QRICH2: variants seen among roughly 807,000 people sequenced by gnomAD.
QRICH2 encodes the protein glutamine rich 2.
Under a neutral mutation model 168.3 loss-of-function variants are expected in QRICH2, and 119 were observed. That is an observed-to-expected ratio of 0.71 (90% CI 0.61 to 0.82). QRICH2 has a LOEUF of 0.82. QRICH2 is among the 40% of genes least tolerant of loss of function. The pLI is 0.00. For synonymous variants in QRICH2, 894 were observed against 951.2 expected (o/e 0.94, Z 1.11); for missense variants, 2,241 against 2,491.6 (o/e 0.90, Z 2.14).
Position 76,277,253 on chromosome 17 carries a change from G to A in QRICH2, c.5175C>T (p.Ser1725=), listed in dbSNP as rs768345488. The change falls in exon 16 of 19, where the codon AGC becomes AGT. Residue 1725 remains serine, a synonymous_variant. Transcript: ENST00000680821. ...YSTVPRRCGG[S]HTLTYPYHRS... is the part of the protein sequence containing the mutation. ...GGTGGTAGGGGTAGGTGAGGGTGTG[G>A]CTGCCCCCGCAGCGCCGGGGCACAG... 2.5e-6 allele frequency: 4 copies of A among 1,602,052 alleles called. No individual in the cohort carries two copies. The South Asian group carries it at 4.5e-5, about 18-fold the overall frequency.
At chr17:76,294,998 G>A (rs190724689) in intron 3 of QRICH2, among the ~76,000 whole-genome samples, 43 of 150,878 alleles carry the variant, frequency 2.8e-4, no homozygotes, top group East Asian at 2.2e-3. Context: ...TTGGGAGGCC[G>A]AGGTGGGCAG....
At chr17:76,276,034 G>A (rs1156376592) in intron 17 of QRICH2, 87 bp from the exon 18 acceptor site, 1 of 1,517,812 alleles carries the variant, frequency 6.6e-7, no homozygotes, top group African/African-American at 1.4e-5. Context: ...AGGGCCGCAG[G>A]GCTGCTGGTC....
rs969617893 is a variant in QRICH2 at position 76,280,560 on chromosome 17, C to G, written c.4461+94G>C. ...CCAGGCAGGTTTCTGAGAGCCCACA[C>G]TCGTCTCGCCAGCTCCCCTCCACTC... On this transcript the variant is annotated intron_variant, in intron 10 of 18. Coordinates refer to ENST00000680821, the MANE Select transcript of QRICH2 (RefSeq NM_001388453.1). The surrounding 1 kb of genome is among the most constrained non-coding windows in gnomAD (Gnocchi z 7.4). 3.1e-6 allele frequency: 5 copies of G among 1,594,786 alleles called. No homozygotes were observed. Among genetic ancestry groups the G allele is most frequent in the African/African-American group, 1.3e-5 (1 of 74,506 alleles).
chr17:76,282,837 C>A (rs148411690), intron 7 of QRICH2, among the ~76,000 whole-genome samples: 1 of 152,332 alleles, frequency 6.6e-6, no homozygotes, highest in Non-Finnish European at 1.5e-5. Context: ...CCAACCTGGG[C>A]TCCTCTCTGG....
rs770123217 is a variant in QRICH2, at chr17:76,293,465, C to G, written c.1262G>C (p.Gly421Ala). ...GVVPLSMGQL[G>A]VPPPEMDDRE... ...ATCATCCATTTCAGGTGGTGGCACA[C>G]CAAGCTGACCCATGCTGAGGGGTAC... is the stretch of plus-strand genomic sequence containing the variant. The change falls in exon 4 of 19, where the codon GGT becomes GCT. Residue 421 changes from glycine to alanine, a missense_variant. By Grantham distance (60) the Gly-to-Ala change is moderately conservative (BLOSUM62 0). Around this residue, in one of 3 missense-constraint regions of QRICH2, gnomAD observed 2,047 missense variants for 2,303.8 expected, o/e 0.89. Transcript: ENST00000680821. The G allele has an allele frequency of 3.3e-5, 54 of 1,614,090 alleles. No homozygotes were observed. Among genetic ancestry groups the G allele is most frequent in the Non-Finnish European group, 4.4e-5 (52 of 1,180,044 alleles).
At position 76,282,066 on chromosome 17, in the gene QRICH2, G is replaced by T; in HGVS notation, c.4061C>A (p.Thr1354Lys). The T allele has an allele frequency of 1.2e-6, 2 of 1,611,964 alleles. No individual in the cohort carries two copies. Among genetic ancestry groups the T allele is most frequent in the South Asian group, 2.2e-5 (2 of 91,008 alleles). ...IIESMLTSSSTLLSMSMAPHK... is the reference protein window; with the variant it reads ...IIESMLTSSSKLLSMSMAPHK... ...CGGGGCCATGCTCATGGACAGGAGC[G>T]TGGAGGAGGAGGTCAGCATGCTCTC... Residue 1354 changes from threonine to lysine, a missense_variant, in exon 8 of 19, where the codon ACG becomes AAG. By Grantham distance (78) the Thr-to-Lys change is moderately conservative. This residue lies in a region of QRICH2 where 2,047 missense variants were observed against 2,303.8 expected (regional missense o/e 0.89). Coordinates refer to ENST00000680821, the MANE Select transcript of QRICH2 (RefSeq NM_001388453.1).
chr17:76,280,629 G>A lies in QRICH2; in HGVS notation c.4461+25C>T, dbSNP rs74412066. ...CAGCGAGACCGCCCTGGGACACAGC[G>A]TGGCTCCTGGGGCCTGGCACCCACC... On this transcript the variant is annotated intron_variant, in intron 10 of 18. Transcript: ENST00000680821. The surrounding 1 kb of genome is among the most constrained non-coding windows in gnomAD (Gnocchi z 7.4). The A allele has an allele frequency of 3.0e-3, 4,791 of 1,613,372 alleles. 124 individuals are homozygous for A. The African/African-American group carries it at 0.057, about 19-fold the overall frequency.
Position 76,304,420 on chromosome 17 carries a change from G to T in QRICH2, c.700C>A (p.Gln234Lys). The change falls in exon 3 of 19, where the codon CAA becomes AAA. Residue 234 changes from glutamine to lysine, a missense_variant. Physicochemically the swap from Gln to Lys is moderately conservative, Grantham distance 53 (BLOSUM62 1). Transcript: ENST00000680821. ...CCAGGCCCCCACTGGTTCACCGCTT[G>T]TGAGGCTCTCCAGCCGTCCGTAATC... ...QAITDGWRAS[Q>K]AGSETLMGFS... 1 of 1,611,138 alleles carries T rather than the reference G, an allele frequency of 6.2e-7. No individual in the cohort carries two copies.
chr17:76,299,225 C>T (rs952095848), intron 3 of QRICH2, among the ~76,000 whole-genome samples: 1 of 152,102 alleles, frequency 6.6e-6, no homozygotes, highest in African/African-American at 2.4e-5. Context: ...ACATCCCTCC[C>T]GCTGGCTTTG....
At chr17:76,299,877 G>T (rs2070867822) in intron 3 of QRICH2, among the ~76,000 whole-genome samples, 1 of 151,496 alleles carries the variant, frequency 6.6e-6, no homozygotes, top group South Asian at 2.1e-4. Context: ...GCCCAGGCTG[G>T]AGTGCAGTGA....
chr17:76,307,610 T>A lies in QRICH2; in HGVS notation c.389A>T (p.His130Leu). The A allele has an allele frequency of 6.5e-7, 1 of 1,531,148 alleles. No individual in the cohort carries two copies. The highest frequency in any genetic ancestry group is 8.8e-7 in the Non-Finnish European group (1 of 1,135,396). 94.8% of individuals were successfully genotyped at this position (1,531,148 alleles called of 1,614,324 possible). A position where few individuals can be genotyped will look rare whatever the true frequency, so the allele number is the denominator to read the frequency against. Residue 130 changes from histidine to leucine, a missense_variant, in exon 1 of 19, where the codon CAC becomes CTC. His to Leu is a moderately conservative substitution (Grantham distance 99). Around this residue, in one of 3 missense-constraint regions of QRICH2, gnomAD observed 2,047 missense variants for 2,303.8 expected, o/e 0.89. Transcript: ENST00000680821. The surrounding 1 kb of genome is among the most constrained non-coding windows in gnomAD (Gnocchi z 5.3). ...GCTGGCCTGGGAGAAGTGCTGCACG[T>A]GCGTGGCGATGCCCTGCACCTGGCC... ...VDGQVQGIAT[H>L]VQHFSQASGL...
rs566031296 is a variant in QRICH2, at chr17:76,279,226, A to G, written c.4815-84T>C. The G allele has an allele frequency of 1.4e-4, 193 of 1,349,782 alleles. 1 individual carries two copies. The East Asian group carries it at 4.4e-3, about 31-fold the overall frequency. 83.6% of individuals were successfully genotyped at this position (1,349,782 alleles called of 1,614,324 possible). A position where few individuals can be genotyped will look rare whatever the true frequency, so the allele number is the denominator to read the frequency against. ...ATCCACCTGCCTAAAGAACCTTCCCACCCGCCCCCGGCCTGGAAGGGAGCG... is the reference window on the plus strand; with the variant it reads ...ATCCACCTGCCTAAAGAACCTTCCCGCCCGCCCCCGGCCTGGAAGGGAGCG... On this transcript the variant is annotated intron_variant, in intron 13 of 18. Transcript: ENST00000680821.
At chr17:76,287,348 C>T (rs148993099) in intron 6 of QRICH2, 42 bp from the exon 7 acceptor site, 1 of 1,458,498 alleles carries the variant, frequency 6.9e-7, no homozygotes, top group Non-Finnish European at 9.6e-7. Context: ...CACACTCAGG[C>T]CAGACCCATG....
chr17:76,281,032 A>G lies in QRICH2; in HGVS notation c.4264-79T>C. ...CCTGCTGCCATAATATTGCTGCCCC[A>G]GGTAAGTTGGCCCTTAAAACATCTG... On this transcript the variant is annotated intron_variant, in intron 8 of 18. Coordinates refer to ENST00000680821, the MANE Select transcript of QRICH2 (RefSeq NM_001388453.1). This position sits in a 1 kb window ranked among gnomAD's most constrained non-coding sequence, Gnocchi z 4.4. 6.5e-7 allele frequency: 1 copy of G among 1,541,742 alleles called. No homozygotes were observed. Among genetic ancestry groups the G allele is most frequent in the Non-Finnish European group, 8.7e-7 (1 of 1,148,346 alleles).
chr17:76,308,564 G>T, upstream of QRICH2: 1 of 841,990 alleles, frequency 1.2e-6, no homozygotes, highest in South Asian at 5.5e-5. Flanking sequence ...GTGGCCCCAT[G>T]TCTATGGCCC....
At chr17:76,295,251 T>G (rs1180745589) in intron 3 of QRICH2, among the ~76,000 whole-genome samples, 1 of 149,762 alleles carries the variant, frequency 6.7e-6, no homozygotes. Context: ...AGAGCAAGAC[T>G]CCATCTCAAA....
intron 7 of QRICH2, among the ~76,000 whole-genome samples, chr17:76,283,954 T>C (rs1244739499): frequency 2.9e-5 from 4 of 139,554 alleles, no homozygotes; most frequent in Non-Finnish European, 5.9e-5. Context: ...TGACCTGAGG[T>C]CAGGAGTTCA....
In QRICH2 at chr17:76,292,992, C is replaced by G; in HGVS notation, c.1735G>C (p.Ala579Pro). The G allele has an allele frequency of 1.2e-6, 2 of 1,614,250 alleles. No homozygotes were observed. The highest frequency in any genetic ancestry group is 1.1e-5 in the South Asian group (1 of 91,084). Residue 579 changes from alanine to proline, a missense_variant, in exon 4 of 19, where the codon GCT (alanine) becomes CCT (proline). Around this residue, in one of 3 missense-constraint regions of QRICH2, gnomAD observed 2,047 missense variants for 2,303.8 expected, o/e 0.89. Transcript: ENST00000680821. ...DLIQSGRFQR[A>P]LVQRGAYQPG... is the part of the protein sequence containing the mutation. The stretch of plus-strand genomic sequence containing the variant: ...TGATATGCACCACGCTGCACCAAAG[C>G]ACGCTGAAATCTGCCAGACTGGATC...
At position 76,304,505 on chromosome 17, in the gene QRICH2, C is replaced by CA. The variant is rs1275118036; in HGVS notation, c.614dup (p.Ser206GlufsTer40). On this transcript the variant is annotated frameshift_variant, in exon 3 of 19. Transcript: ENST00000680821. LOFTEE classifies it high-confidence loss of function. Reference sequence around the variant, plus strand: ...CTTCTTCTGCACCAGGAACCAAACTCAGCTTCCGGCTGACTAGTTCCTGAC... The same window carrying CA: ...CTTCTTCTGCACCAGGAACCAAACTCAAGCTTCCGGCTGACTAGTTCCTGAC... The CA allele has an allele frequency of 3.1e-6, 5 of 1,613,386 alleles. No homozygotes were observed.
Sources: allele counts gnomAD v4.1 joint callset (sites outside exome capture counted in the v4.1 genomes callset), GRCh38; gene constraint gnomAD v4.1.1; regional missense constraint gnomAD v4.1.1; non-coding constraint Gnocchi (gnomAD v3.1); transcripts MANE v1.5; gene names NCBI Gene and HGNC (gene_info 2026-07-23, HGNC 2026-07-21).